Variants in DKC1 observed in about 807,000 individuals in gnomAD.
DKC1 encodes dyskerin pseudouridine synthase 1, also known as H/ACA ribonucleoprotein complex subunit DKC1.
In DKC1, 4 loss-of-function variants were observed where a neutral mutation model predicts 46.7. That is an observed-to-expected ratio of 0.09 (90% CI 0.04 to 0.20). The LOEUF (loss-of-function observed/expected upper bound fraction) is 0.20, where lower values mean the gene tolerates loss of function less well. Among genes scored for constraint, DKC1 ranks in the 10% least tolerant of loss-of-function variants. DKC1 has a pLI of 1.00. For missense variants in DKC1, 171 were observed against 404.2 expected (o/e 0.42, Z 4.95); for synonymous variants, 141 against 142.4 (o/e 0.99, Z 0.07).
chrX:154,764,918 A>G lies in DKC1; in HGVS notation c.36A>G (p.Lys12=), dbSNP rs781936419. 64 of 1,206,399 alleles carry G rather than the reference A, an allele frequency of 5.3e-5. No individual in the cohort carries two copies. The highest frequency in any genetic ancestry group is 6.7e-5 in the Non-Finnish European group (60 of 891,407). ...TTTTAGTAATTATTTTGCCAAAGAA[A>G]CATAAGAAGAAAAAGGAGCGGAAGT... is the stretch of plus-strand genomic sequence containing the variant. ...ADAEVIILPK[K]HKKKKERKSL... Residue 12 remains lysine, a synonymous_variant, in exon 2 of 15, where the codon AAA becomes AAG. Coordinates refer to ENST00000369550, the MANE Select transcript of DKC1 (RefSeq NM_001363.5).
intron 10 of DKC1, 35 bp downstream of exon 10, chrX:154,770,914 G>A (rs1557264887): frequency 8.4e-7 from 1 of 1,197,035 alleles, no homozygotes; most frequent in South Asian, 1.8e-5. Context: ...AATTCTAAAT[G>A]TTTGTGGTTA....
chrX:154,766,845 C>T, intron 5 of DKC1, 152 bp from the exon 6 acceptor site: 1 of 540,929 alleles, frequency 1.8e-6, no homozygotes, highest in Admixed American at 2.6e-5. Flanking sequence ...ACATCATCAC[C>T]ATGAAATCTC....
At position 154,776,782 on chromosome X, in the gene DKC1, A is replaced by T. The variant is rs1355246538; in HGVS notation, c.1477-17A>T. On this transcript the variant is annotated splice_polypyrimidine_tract_variant and intron_variant, in intron 14 of 14. Transcript: ENST00000369550. ...TAGTGGATGGTATCTGTGAGCTTTC[A>T]TTCTCTTTCTTTCTAGGACAGTGAT... 4 of 1,200,635 alleles carry T rather than the reference A, an allele frequency of 3.3e-6. No individual in the cohort carries two copies. Among genetic ancestry groups the T allele is most frequent in the Non-Finnish European group, 4.5e-6 (4 of 888,024 alleles).
intron 1 of DKC1, 69 bp downstream of exon 1, chrX:154,763,050 A>T (rs1368551625): frequency 1.8e-6 from 2 of 1,106,865 alleles, no homozygotes; most frequent in Admixed American, 2.6e-5. Flanking sequence ...GGGGGATGGT[A>T]TCGGGGCCCG....
In DKC1 at chrX:154,767,342, C is replaced by T. The variant is rs781789313; in HGVS notation, c.600C>T (p.Tyr200=). 211 of 1,209,806 alleles carry T rather than the reference C, an allele frequency of 1.7e-4. 1 individual carries two copies. Among genetic ancestry groups the T allele is most frequent in the Admixed American group, 3.1e-4 (14 of 45,742 alleles). Reference sequence around the variant, plus strand: ...GGCAGCTCCGAGTGAGGACCATCTACGAGAGCAAAATGATTGAATACGATC... The same window carrying T: ...GGCAGCTCCGAGTGAGGACCATCTATGAGAGCAAAATGATTGAATACGATC... ...VKRQLRVRTI[Y]ESKMIEYDPE... Residue 200 remains tyrosine, a synonymous_variant, in exon 7 of 15, where the codon TAC becomes TAT. Transcript: ENST00000369550.
chrX:154,776,110 C>A, intron 13 of DKC1, 77 bp from the exon 14 acceptor site: 1 of 1,158,990 alleles, frequency 8.6e-7, no homozygotes, highest in Non-Finnish European at 1.2e-6. Context: ...TGGTGCCTTG[C>A]TACCTTTTGA....
In DKC1 at chrX:154,776,921, T is replaced by C; in HGVS notation, c.*54T>C. The C allele has an allele frequency of 2.9e-6, 3 of 1,017,794 alleles. No individual in the cohort carries two copies. The highest frequency in any genetic ancestry group is 4.1e-6 in the Non-Finnish European group (3 of 737,764). The allele number at this position is 1,017,794 out of a possible 1,213,427, so 83.9% of individuals were successfully genotyped here. A position where few individuals can be genotyped will look rare whatever the true frequency, so the allele number is the denominator to read the frequency against. On this transcript the variant is annotated 3_prime_UTR_variant, in exon 15 of 15. Coordinates refer to ENST00000369550, the MANE Select transcript of DKC1 (RefSeq NM_001363.5). The stretch of plus-strand genomic sequence containing the variant: ...CTAAAGCCTTATTGAGAAAACATGT[T>C]ATAGATCCTTTTGTTGCTGAGAGAG...
At chrX:154,776,730 T>G (rs1482262800) in intron 14 of DKC1, 69 bp from the exon 15 acceptor site, 3 of 1,062,083 alleles carry the variant, frequency 2.8e-6, no homozygotes, top group Non-Finnish European at 3.9e-6. Context: ...TTTACCAGAT[T>G]TCCTTCTGGG....
Position 154,777,205 on chromosome X carries a change from A to C in DKC1, c.*338A>C. 2 of 195,850 alleles carry C rather than the reference A, an allele frequency of 1.0e-5. No individual in the cohort carries two copies. Among genetic ancestry groups the C allele is most frequent in the South Asian group, 1.7e-4 (2 of 11,510 alleles). 16.1% of individuals were successfully genotyped at this position (195,850 alleles called of 1,213,427 possible). On this transcript the variant is annotated 3_prime_UTR_variant, in exon 15 of 15. Coordinates refer to ENST00000369550, the MANE Select transcript of DKC1 (RefSeq NM_001363.5). ...CGTAGTCCTAGTTTGCATTTTTTAA[A>C]TCCCCTCTGTTTAAAAGGTTTGTAA...
rs998942840 is a variant in DKC1, at chrX:154,777,476, G to A, written c.*609G>A. On this transcript the variant is annotated 3_prime_UTR_variant, in exon 15 of 15. Transcript: ENST00000369550. Reference sequence around the variant, plus strand: ...TAAATCCATCTGACTACTTGTTCCTGTGCCCTCTTGTTTTAGGCCTCGTTT... The same window carrying A: ...TAAATCCATCTGACTACTTGTTCCTATGCCCTCTTGTTTTAGGCCTCGTTT... The A allele has an allele frequency of 2.7e-5, 3 of 112,051 alleles. No homozygotes were observed. Among genetic ancestry groups the A allele is most frequent in the African/African-American group, 9.8e-5 (3 of 30,737 alleles). The allele number at this position is 112,051 out of a possible 1,213,427, so 9.2% of individuals were successfully genotyped here. A position where few individuals can be genotyped will look rare whatever the true frequency, so the allele number is the denominator to read the frequency against.
rs1049779740 is a variant in DKC1, at chrX:154,773,753, T to C, written c.1155+504T>C. Among the ~76,000 whole-genome samples the C allele has an allele frequency of 1.3e-4, 15 of 112,144 alleles. No individual in the cohort carries two copies. In the East Asian group the frequency reaches 3.9e-3, roughly 29 times the overall value. On this transcript the variant is annotated intron_variant, in intron 11 of 14. Coordinates refer to ENST00000369550, the MANE Select transcript of DKC1 (RefSeq NM_001363.5). ...GATTTCTCAATCTTTTCCCCACCTT[T>C]CCCGCCTTTCTATTCCACAAAACCG...
chrX:154,775,945 C>A (rs2071889920), intron 13 of DKC1, among the ~76,000 whole-genome samples: 1 of 112,185 alleles, frequency 8.9e-6, no homozygotes, highest in Admixed American at 9.4e-5. Flanking sequence ...CTTTCCACCC[C>A]AAGCCCCGTG....
At chrX:154,773,934 GACCC>G (rs2071861443) in intron 11 of DKC1, among the ~76,000 whole-genome samples, 1 of 109,883 alleles carries the variant, frequency 9.1e-6, no homozygotes, top group Non-Finnish European at 1.9e-5. Flanking sequence ...CGGGGGGGCT[GACCC>G]CCCCCCACCT....
intron 10 of DKC1, among the ~76,000 whole-genome samples, chrX:154,772,843 T>C (rs1323101760): frequency 8.9e-6 from 1 of 111,936 alleles, no homozygotes; most frequent in Non-Finnish European, 1.9e-5. Context: ...AAAGGGAGTG[T>C]GCATGCCGTT....
intron 5 of DKC1, 72 bp from the exon 6 acceptor site, chrX:154,766,925 C>T (rs1400282111): frequency 1.3e-5 from 13 of 993,937 alleles, no homozygotes; most frequent in Non-Finnish European, 1.6e-5. Flanking sequence ...ATGGGAGTGA[C>T]TGAGCATATA....
At chrX:154,767,610 A>G (rs1328729009) in intron 7 of DKC1, among the ~76,000 whole-genome samples, 2 of 111,898 alleles carry the variant, frequency 1.8e-5, no homozygotes, top group African/African-American at 6.5e-5. Flanking sequence ...TGGAGTTGAA[A>G]TGTTTTCATT....
At chrX:154,764,860 CT>C in intron 1 of DKC1, 38 bp from the exon 2 acceptor site, 1 of 1,073,270 alleles carries the variant, frequency 9.3e-7, no homozygotes, top group Non-Finnish European at 1.3e-6. Context: ...TTCATTTATT[CT>C]TGGGGAAAAT....
chrX:154,766,539 G>A (rs2071747214), intron 5 of DKC1, 139 bp downstream of exon 5: 3 of 620,549 alleles, frequency 4.8e-6, no homozygotes, highest in Admixed American at 6.1e-5. Context: ...TGGTTTCTGT[G>A]TACGTTCTGT....
chrX:154,774,698 G>T lies in DKC1; in HGVS notation c.1252G>T (p.Asp418Tyr), dbSNP rs1557265433. Residue 418 changes from aspartate (D) to tyrosine (Y), a missense_variant, in exon 12 of 15, where the codon GAC becomes TAC. Around this residue, in one of 4 missense-constraint regions of DKC1, gnomAD observed 60 missense variants for 206.5 expected, o/e 0.29. Coordinates refer to ENST00000369550, the MANE Select transcript of DKC1 (RefSeq NM_001363.5). ...TPATWKQEYV[D>Y]YSESAKKEVV... Reference sequence around the variant, plus strand: ...TGCCACCTGGAAGCAGGAGTATGTTGACTACAGGTGAGGGCAGGATGTTTC... The same window carrying T: ...TGCCACCTGGAAGCAGGAGTATGTTTACTACAGGTGAGGGCAGGATGTTTC... 3 of 1,208,017 alleles carry T rather than the reference G, an allele frequency of 2.5e-6. No individual in the cohort carries two copies. Among genetic ancestry groups the T allele is most frequent in the Admixed American group, 4.3e-5 (2 of 46,018 alleles).
Sources: gnomAD v4.1 joint callset for allele counts (sites outside exome capture counted in the v4.1 genomes callset) on GRCh38, gnomAD v4.1.1 for gene constraint, gnomAD v4.1.1 regional missense constraint, MANE v1.5 for transcripts, NCBI Gene and HGNC (gene_info 2026-07-23, HGNC 2026-07-21) for gene names.